Variants in USH2A observed in about 807,000 individuals in gnomAD.
The protein encoded by USH2A is Usher syndrome 2A (autosomal recessive, mild).
Under a neutral mutation model 538.9 loss-of-function variants are expected in USH2A, and 443 were observed. The observed-to-expected ratio is 0.82, with a 90% CI of 0.76 to 0.89. The LOEUF is 0.89. Ranked by LOEUF, USH2A falls within the 40% of genes least tolerant of loss-of-function variation. USH2A has a pLI of 0.00. For synonymous variants in USH2A, 2,413 were observed against 2,273.5 expected (o/e 1.06, Z -1.75); for missense variants, 6,633 against 6,324.8 (o/e 1.05, Z -1.65).
chr1:216,268,338 C>T (rs773084445), intron 11 of USH2A, among the ~76,000 whole-genome samples: 5 of 152,032 alleles, frequency 3.3e-5, no homozygotes, highest in African/African-American at 7.2e-5. Context: ...GAAGTCTTCA[C>T]GTATTTATCA....
At chr1:215,853,413 C>T (rs963427286) in intron 44 of USH2A, among the ~76,000 whole-genome samples, 5 of 152,234 alleles carry the variant, frequency 3.3e-5, no homozygotes, top group African/African-American at 7.2e-5. Flanking sequence ...CTGTGTTGGT[C>T]GCAGCTGTCA....
At chr1:215,965,234 G>A in intron 37 of USH2A, 83 bp downstream of exon 37, 1 of 1,458,002 alleles carries the variant, frequency 6.9e-7, no homozygotes, top group Non-Finnish European at 9.4e-7. Context: ...CTAAAAGAAA[G>A]ATTTTAGCCA....
chr1:216,141,954 G>A (rs200970509), intron 21 of USH2A, among the ~76,000 whole-genome samples: 51 of 131,562 alleles, frequency 3.9e-4, no homozygotes, highest in Non-Finnish European at 3.4e-4. Context: ...ATTAGGAAAT[G>A]AAAAAAAAAA....
chr1:215,995,181 T>G (rs2102478638), intron 34 of USH2A, among the ~76,000 whole-genome samples: 1 of 152,270 alleles, frequency 6.6e-6, no homozygotes, highest in East Asian at 1.9e-4. Flanking sequence ...GAATTAAAAT[T>G]TACTTTGAGG....
chr1:216,247,765 T>G (rs2036081801), intron 12 of USH2A, among the ~76,000 whole-genome samples: 1 of 152,154 alleles, frequency 6.6e-6, no homozygotes, highest in Non-Finnish European at 1.5e-5. Flanking sequence ...GATTAGATCT[T>G]AAATGTTCTC....
intron 67 of USH2A, among the ~76,000 whole-genome samples, chr1:215,642,292 T>G (rs76417240): frequency 0.018 from 2,813 of 152,300 alleles, 83 homozygotes; most frequent in African/African-American, 0.065. Flanking sequence ...TCCTAATTTT[T>G]GGGGTGAGAA....
intron 41 of USH2A, among the ~76,000 whole-genome samples, chr1:215,882,741 A>G (rs1289243376): frequency 1.3e-5 from 2 of 152,148 alleles, no homozygotes; most frequent in African/African-American, 2.4e-5. Context: ...TTATGCTGGA[A>G]CTTGCTTTTC....
chr1:215,910,982 G>T (rs1355894228), intron 38 of USH2A, among the ~76,000 whole-genome samples: 1 of 151,814 alleles, frequency 6.6e-6, no homozygotes, highest in African/African-American at 2.4e-5. Flanking sequence ...AGTATGTTCT[G>T]CTTATACCCA....
At chr1:216,337,447 G>A (rs113601414) in intron 4 of USH2A, among the ~76,000 whole-genome samples, 2,299 of 151,462 alleles carry the variant, frequency 0.015, 56 homozygotes, top group African/African-American at 0.053. Context: ...GCATAGGCAT[G>A]AAAATTATAT....
At chr1:215,952,786 G>A (rs1043390356) in intron 37 of USH2A, among the ~76,000 whole-genome samples, 3 of 152,262 alleles carry the variant, frequency 2.0e-5, no homozygotes, top group East Asian at 1.9e-4. Flanking sequence ...TGGGTAACCC[G>A]ACCTTTCTCT....
At chr1:216,079,293 G>T (rs1172201393) in intron 26 of USH2A, 1 of 152,060 alleles carries the variant, frequency 6.6e-6, no homozygotes, top group Non-Finnish European at 1.5e-5. Context: ...GGTAAACACT[G>T]CTCCTAAGAG....
intron 13 of USH2A, 139 bp downstream of exon 13, chr1:216,246,446 G>A: frequency 9.6e-7 from 1 of 1,042,260 alleles, no homozygotes; most frequent in Non-Finnish European, 1.4e-6. Context: ...TTATATATGT[G>A]TTGGATAATG....
chr1:215,663,059 G>T (rs1657493379), intron 64 of USH2A, among the ~76,000 whole-genome samples: 1 of 152,192 alleles, frequency 6.6e-6, no homozygotes, highest in South Asian at 2.1e-4. Flanking sequence ...TCTGAGAAGA[G>T]AAATGGCAAG....
chr1:215,648,456 G>A, intron 66 of USH2A, 72 bp downstream of exon 66: 1 of 1,503,882 alleles, frequency 6.6e-7, no homozygotes, highest in Non-Finnish European at 9.3e-7. Flanking sequence ...GTGCAGAGTA[G>A]GCTATACCAT....
chr1:215,957,439 CATG>C (rs1202228720), intron 37 of USH2A, among the ~76,000 whole-genome samples: 2 of 152,160 alleles, frequency 1.3e-5, no homozygotes, highest in Admixed American at 6.5e-5. Flanking sequence ...ATATCTTTAA[CATG>C]TTGTTGCTTG....
chr1:216,326,171 C>T (rs1219217538), intron 5 of USH2A, among the ~76,000 whole-genome samples: 3 of 152,188 alleles, frequency 2.0e-5, no homozygotes, highest in Admixed American at 6.5e-5. Flanking sequence ...GATCATATGG[C>T]GGCTGCCAAC....
chr1:215,785,419 T>C (rs1371938887), intron 52 of USH2A, among the ~76,000 whole-genome samples: 1 of 152,214 alleles, frequency 6.6e-6, no homozygotes, highest in Non-Finnish European at 1.5e-5. Context: ...TATTTGAATA[T>C]GTTTCTTTCT....
At chr1:216,071,520 T>C in intron 29 of USH2A, among the ~76,000 whole-genome samples, 1 of 152,150 alleles carries the variant, frequency 6.6e-6, no homozygotes, top group East Asian at 1.9e-4. Context: ...AATAGTGCAA[T>C]TATTCTCCAA....
intron 4 of USH2A, among the ~76,000 whole-genome samples, chr1:216,341,134 G>A (rs10864240): frequency 0.096 from 14,560 of 151,820 alleles, 822 homozygotes; most frequent in African/African-American, 0.16. Context: ...GCTGATAAAC[G>A]ACTTCAGCAA....
Sources: allele counts gnomAD v4.1 joint callset (sites outside exome capture counted in the v4.1 genomes callset), GRCh38; gene constraint gnomAD v4.1.1; transcripts MANE v1.5; gene names NCBI Gene and HGNC (gene_info 2026-07-23, HGNC 2026-07-21).